The following CAMTA1 variants were observed in gnomAD, a reference collection of about 807,000 sequenced individuals.
CAMTA1 encodes calmodulin binding transcription activator 1.
CAMTA1 carries 27 observed loss-of-function variants against 170.9 expected under a neutral mutation model. That is an observed-to-expected ratio of 0.16 (90% CI 0.12 to 0.22). The LOEUF (loss-of-function observed/expected upper bound fraction) is 0.22. CAMTA1 is among the 10% of genes least tolerant of loss of function. The pLI, the probability that CAMTA1 is intolerant of heterozygous loss-of-function variation, is 1.00. For synonymous variants in CAMTA1, 833 were observed against 891.5 expected, an observed-to-expected ratio of 0.93 and a Z score of 1.17; for missense variants, 1,619 against 2,217.2, an observed-to-expected ratio of 0.73 and a Z score of 5.42.
At chr1:7,556,704 C>T (rs532223538) in intron 6 of CAMTA1, among the ~76,000 whole-genome samples, 1 of 152,230 alleles carries the variant, frequency 6.6e-6, no homozygotes, top group African/African-American at 2.4e-5. Context: ...CCTGGGCCAT[C>T]CACCTCCCCT....
At chr1:7,410,601 G>A (rs1390148648) in intron 5 of CAMTA1, among the ~76,000 whole-genome samples, 2 of 152,256 alleles carry the variant, frequency 1.3e-5, no homozygotes, top group Admixed American at 1.3e-4. Context: ...AGGCCCTGGT[G>A]AATATTTATG....
At chr1:7,000,955 C>T (rs1698129081) in intron 3 of CAMTA1, among the ~76,000 whole-genome samples, 1 of 152,200 alleles carries the variant, frequency 6.6e-6, no homozygotes, top group Non-Finnish European at 1.5e-5. Flanking sequence ...ACTAATTACT[C>T]ATTTAAGAAA....
At chr1:7,211,946 G>A (rs745974976) in intron 4 of CAMTA1, among the ~76,000 whole-genome samples, 8 of 152,238 alleles carry the variant, frequency 5.3e-5, no homozygotes, top group South Asian at 2.1e-4. Flanking sequence ...CCTCCTAGCC[G>A]TTCATCTTTC....
chr1:7,399,923 A>G (rs899474462), intron 5 of CAMTA1, among the ~76,000 whole-genome samples: 1 of 152,142 alleles, frequency 6.6e-6, no homozygotes, highest in African/African-American at 2.4e-5. Flanking sequence ...CTGACTTTTG[A>G]CAGTTTAATT....
intron 3 of CAMTA1, among the ~76,000 whole-genome samples, chr1:6,854,410 A>G (rs1661517128): frequency 6.6e-6 from 1 of 152,200 alleles, no homozygotes; most frequent in African/African-American, 2.4e-5. Flanking sequence ...TTGTGTAAGT[A>G]CGTTTGTGTA....
At chr1:7,297,831 C>T (rs1296267052) in intron 5 of CAMTA1, among the ~76,000 whole-genome samples, 1 of 152,184 alleles carries the variant, frequency 6.6e-6, no homozygotes, top group African/African-American at 2.4e-5. Flanking sequence ...GCCTGTTGTA[C>T]AATCCCTACA....
chr1:7,241,268 G>T (rs1265960191), intron 4 of CAMTA1, among the ~76,000 whole-genome samples: 1 of 152,194 alleles, frequency 6.6e-6, no homozygotes, highest in Non-Finnish European at 1.5e-5. Context: ...AAACTACAAA[G>T]TCTTAATGAA....
At chr1:7,198,523 G>A (rs1656008338) in intron 4 of CAMTA1, among the ~76,000 whole-genome samples, 1 of 151,948 alleles carries the variant, frequency 6.6e-6, no homozygotes, top group African/African-American at 2.4e-5. Context: ...AGCAGCCCTG[G>A]GTGCTCCCGA....
Position 7,161,306 on chromosome 1 carries a change from TC to T in CAMTA1, c.302+69937del, listed in dbSNP as rs1408737268. Reference sequence around the variant, plus strand: ...TCCTTCTCCACCCTGCACAGTTAGCTCCTGCTCATCCTCTAGTGCTCAGCTT... The same window carrying T: ...TCCTTCTCCACCCTGCACAGTTAGCTCTGCTCATCCTCTAGTGCTCAGCTT... On this transcript the variant is annotated intron_variant, in intron 4 of 22. Coordinates refer to ENST00000303635, the MANE Select transcript of CAMTA1 (RefSeq NM_015215.4). Among the ~76,000 whole-genome samples the T allele has an allele frequency of 2.6e-5, 4 of 152,240 alleles. No homozygotes were observed. In the East Asian group the frequency reaches 7.7e-4, roughly 29 times the overall value.
Position 7,536,168 on chromosome 1 carries a change from G to T in CAMTA1, c.510+68267G>T, listed in dbSNP as rs373283643. Among the ~76,000 whole-genome samples the T allele has an allele frequency of 3.2e-4, 48 of 152,176 alleles. 1 individual carries two copies. The South Asian group carries it at 8.7e-3, about 28-fold the overall frequency. On this transcript the variant is annotated intron_variant, in intron 6 of 22. Coordinates refer to ENST00000303635, the MANE Select transcript of CAMTA1 (RefSeq NM_015215.4). ...CCCCAGAGGTGACATTCCAGCCCCCGTCATCGTGTGTATTAAGTGACAGGG... is the reference window on the plus strand; with the variant it reads ...CCCCAGAGGTGACATTCCAGCCCCCTTCATCGTGTGTATTAAGTGACAGGG...
intron 3 of CAMTA1, among the ~76,000 whole-genome samples, chr1:6,973,092 T>G (rs1692817774): frequency 6.7e-6 from 1 of 149,316 alleles, no homozygotes; most frequent in South Asian, 2.1e-4. Context: ...CCTCAGGTGA[T>G]CCATCCACCT....
chr1:7,408,725 G>C (rs1487789271), intron 5 of CAMTA1, among the ~76,000 whole-genome samples: 1 of 152,228 alleles, frequency 6.6e-6, no homozygotes, highest in African/African-American at 2.4e-5. Context: ...TGGGTCCTCA[G>C]CCTCCATAGC....
chr1:7,493,850 ACGTGGCACCTGT>A (rs2093781284), intron 6 of CAMTA1, among the ~76,000 whole-genome samples: 1 of 152,156 alleles, frequency 6.6e-6, no homozygotes, highest in African/African-American at 2.4e-5. Flanking sequence ...CTTGGGGGTC[ACGTGGCACCTGT>A]CGGGGGCGGG....
chr1:6,870,892 A>G (rs925406269), intron 3 of CAMTA1, among the ~76,000 whole-genome samples: 1 of 152,222 alleles, frequency 6.6e-6, no homozygotes, highest in Non-Finnish European at 1.5e-5. Context: ...TGTTCATTTT[A>G]TATACTAGTG....
chr1:6,905,879 T>TG (rs1678356361), intron 3 of CAMTA1, among the ~76,000 whole-genome samples: 1 of 152,186 alleles, frequency 6.6e-6, no homozygotes, highest in South Asian at 2.1e-4. Context: ...TTGCTGCCTG[T>TG]GGACCCTATG....
rs545359608 is a variant in CAMTA1 at position 7,547,897 on chromosome 1, C to T, written c.510+79996C>T. Among the ~76,000 whole-genome samples the T allele has an allele frequency of 1.4e-4, 22 of 152,208 alleles. No individual in the cohort carries two copies. The highest frequency in any genetic ancestry group is 5.1e-4 in the African/African-American group (21 of 41,544). The stretch of plus-strand genomic sequence containing the variant: ...CCACTGTGTGGACCCCCCACTCACC[C>T]GTCAATATGCCCTTATGCTGTTGTA... On this transcript the variant is annotated intron_variant, in intron 6 of 22. Coordinates refer to ENST00000303635, the MANE Select transcript of CAMTA1 (RefSeq NM_015215.4). The surrounding 1 kb of genome is among the most constrained non-coding windows in gnomAD (Gnocchi z 5.7).
rs547833397 is a variant in CAMTA1 at position 7,130,334 on chromosome 1, C to T, written c.302+38963C>T. ...CCTTGTTTATTGCTGAGTAGTATTC[C>T]GTTTTATAGATATGCCACATTTTTG... On this transcript the variant is annotated intron_variant, in intron 4 of 22. Coordinates refer to ENST00000303635, the MANE Select transcript of CAMTA1 (RefSeq NM_015215.4). 1.5e-4 allele frequency among the ~76,000 whole-genome samples: 23 copies of T among 152,144 alleles called. 1 individual carries two copies. The East Asian group carries it at 1.5e-3, about 10-fold the overall frequency.
chr1:7,249,441 T>C lies in CAMTA1; in HGVS notation c.303-50T>C, dbSNP rs1401187215. The C allele has an allele frequency of 6.5e-7, 1 of 1,531,046 alleles. No homozygotes were observed. Among genetic ancestry groups the C allele is most frequent in the Non-Finnish European group, 8.9e-7 (1 of 1,128,878 alleles). 94.8% of individuals were successfully genotyped at this position (1,531,046 alleles called of 1,614,324 possible). ...GGTCGATGATATCTTTCTTCATAAATTTTTCTTCTACTTGGTACTCTTGGT... is the reference window on the plus strand; with the variant it reads ...GGTCGATGATATCTTTCTTCATAAACTTTTCTTCTACTTGGTACTCTTGGT... On this transcript the variant is annotated intron_variant, in intron 4 of 22. Coordinates refer to ENST00000303635, the MANE Select transcript of CAMTA1 (RefSeq NM_015215.4). The surrounding 1 kb of genome is among the most constrained non-coding windows in gnomAD (Gnocchi z 4.4).
intron 5 of CAMTA1, among the ~76,000 whole-genome samples, chr1:7,312,530 G>T (rs1187757296): frequency 6.6e-6 from 1 of 152,132 alleles, no homozygotes; most frequent in Non-Finnish European, 1.5e-5. Context: ...TAATTTGCCT[G>T]CTCCTATGTA....
Sources: allele counts gnomAD v4.1 joint callset (sites outside exome capture counted in the v4.1 genomes callset), GRCh38; gene constraint gnomAD v4.1.1; non-coding constraint Gnocchi (gnomAD v3.1); transcripts MANE v1.5; gene names NCBI Gene and HGNC (gene_info 2026-07-23, HGNC 2026-07-21).